BMP6: variants seen among roughly 807,000 people sequenced by gnomAD.
BMP6 encodes the protein VG-1-R.
A neutral mutation model predicts 54.1 loss-of-function variants in BMP6; 17 were observed. The ratio of observed to expected loss-of-function variants is 0.31; its 90% CI spans 0.22 to 0.47. The LOEUF (loss-of-function observed/expected upper bound fraction) is 0.47. BMP6 is among the 20% of genes least tolerant of loss of function. The probability of loss-of-function intolerance (pLI) is 1.00; values close to 1 mark genes in which losing one functional copy is unlikely to be tolerated. For synonymous variants in BMP6, 328 were observed against 291.2 expected, an observed-to-expected ratio of 1.13 and a Z score of -1.28; for missense variants, 720 against 690.4, an observed-to-expected ratio of 1.04 and a Z score of -0.48.
chr6:7,762,991 A>G (rs270376), intron 1 of BMP6, among the ~76,000 whole-genome samples: 94,082 of 152,092 alleles, frequency 0.62, 30,066 homozygotes, highest in Non-Finnish European at 0.72. Context: ...CCCATAAAAC[A>G]TGGCCGTGCG....
At chr6:7,836,071 C>T (rs917942678) in intron 1 of BMP6, among the ~76,000 whole-genome samples, 3 of 152,178 alleles carry the variant, frequency 2.0e-5, no homozygotes, top group African/African-American at 7.2e-5. Flanking sequence ...AAACTCCTGA[C>T]CTCAGGTGAT....
intron 4 of BMP6, among the ~76,000 whole-genome samples, chr6:7,865,947 C>A (rs569469084): frequency 3.9e-5 from 6 of 152,316 alleles, no homozygotes; most frequent in African/African-American, 1.2e-4. Flanking sequence ...AAATAAGAGG[C>A]TATTTTTGGA....
At chr6:7,791,803 T>G (rs1485953647) in intron 1 of BMP6, among the ~76,000 whole-genome samples, 2 of 152,216 alleles carry the variant, frequency 1.3e-5, no homozygotes, top group Admixed American at 1.3e-4. Context: ...CTACCTGTTG[T>G]CTTATCCCCA....
chr6:7,783,532 A>T (rs995579322), intron 1 of BMP6, among the ~76,000 whole-genome samples: 11 of 152,278 alleles, frequency 7.2e-5, no homozygotes, highest in African/African-American at 2.7e-4. Context: ...ATAGGAGTTT[A>T]CAACTCAAAA....
chr6:7,760,009 T>A (rs1027922744), intron 1 of BMP6, among the ~76,000 whole-genome samples: 1 of 151,824 alleles, frequency 6.6e-6, no homozygotes, highest in Non-Finnish European at 1.5e-5. Context: ...CTGGCCTCTT[T>A]CTTAATTTTA....
intron 1 of BMP6, among the ~76,000 whole-genome samples, chr6:7,832,047 CAAA>C (rs1758801284): frequency 6.6e-6 from 1 of 152,132 alleles, no homozygotes; most frequent in Admixed American, 6.5e-5. Context: ...GGTAGACACG[CAAA>C]CAGCTGATCG....
chr6:7,859,015 G>A (rs188491350), intron 2 of BMP6, among the ~76,000 whole-genome samples: 3 of 152,082 alleles, frequency 2.0e-5, no homozygotes, highest in East Asian at 1.9e-4. Context: ...TAGCAGAGTC[G>A]GGATGGAAAC....
intron 1 of BMP6, among the ~76,000 whole-genome samples, chr6:7,746,656 T>C (rs1757350980): frequency 6.6e-6 from 1 of 152,166 alleles, no homozygotes; most frequent in Non-Finnish European, 1.5e-5. Flanking sequence ...ACGATTTAAA[T>C]AGACATTTAA....
chr6:7,777,622 T>C (rs551151423), intron 1 of BMP6, among the ~76,000 whole-genome samples: 3 of 150,390 alleles, frequency 2.0e-5, no homozygotes, highest in African/African-American at 7.4e-5. Context: ...AGGACTTAGG[T>C]GAATATTAAA....
chr6:7,809,813 T>C (rs1480219829), intron 1 of BMP6, among the ~76,000 whole-genome samples: 2 of 152,234 alleles, frequency 1.3e-5, no homozygotes, highest in Non-Finnish European at 2.9e-5. Flanking sequence ...ATGTACAAAG[T>C]AGCCTCATCG....
intron 1 of BMP6, among the ~76,000 whole-genome samples, chr6:7,750,377 A>G (rs1471607447): frequency 1.3e-5 from 2 of 152,204 alleles, no homozygotes; most frequent in Admixed American, 6.5e-5. Flanking sequence ...GGGAGTATCA[A>G]TGAGGAAACG....
chr6:7,880,153 G>A (rs750769240), intron 6 of BMP6, 41 bp from the exon 7 acceptor site: 2 of 1,614,024 alleles, frequency 1.2e-6, no homozygotes, highest in South Asian at 1.1e-5. Flanking sequence ...AAGACCAGGT[G>A]TCATTTCTAA....
chr6:7,782,439 G>A (rs915247714), intron 1 of BMP6, among the ~76,000 whole-genome samples: 31 of 152,184 alleles, frequency 2.0e-4, no homozygotes, highest in Non-Finnish European at 7.3e-5. Context: ...GCCCAGGCAC[G>A]GTGGCACATG....
chr6:7,857,899 C>G (rs1759272586), intron 2 of BMP6, among the ~76,000 whole-genome samples: 1 of 152,090 alleles, frequency 6.6e-6, no homozygotes, highest in African/African-American at 2.4e-5. Flanking sequence ...GTGGTGTGAA[C>G]ATATTAGTGA....
At chr6:7,823,998 T>C (rs939616278) in intron 1 of BMP6, among the ~76,000 whole-genome samples, 4 of 152,112 alleles carry the variant, frequency 2.6e-5, no homozygotes, top group African/African-American at 9.7e-5. Context: ...GTGTAGAGAA[T>C]AGGCTGGAGG....
intron 1 of BMP6, among the ~76,000 whole-genome samples, chr6:7,788,107 A>G (rs937581747): frequency 1.3e-5 from 2 of 152,226 alleles, no homozygotes; most frequent in African/African-American, 4.8e-5. Flanking sequence ...TCAGACCCTC[A>G]GGTATGGGTA....
Position 7,785,176 on chromosome 6 carries a change from C to G in BMP6, c.664+57557C>G, listed in dbSNP as rs191447759. On this transcript the variant is annotated intron_variant, in intron 1 of 6. Coordinates refer to ENST00000283147, the MANE Select transcript of BMP6 (RefSeq NM_001718.6). The stretch of plus-strand genomic sequence containing the variant: ...GCTTTTAGCATTTTATAAAAAGTGA[C>G]TAGTACTTGTCTTCTACCCACTAGT... Among the ~76,000 whole-genome samples the G allele has an allele frequency of 2.2e-4, 34 of 152,318 alleles. No individual in the cohort carries two copies. In the East Asian group the frequency reaches 6.2e-3, roughly 28 times the overall value.
chr6:7,749,017 T>G (rs1757385727), intron 1 of BMP6, among the ~76,000 whole-genome samples: 1 of 152,196 alleles, frequency 6.6e-6, no homozygotes, highest in African/African-American at 2.4e-5. Context: ...CATTTTGATC[T>G]TCCACATTGA....
intron 1 of BMP6, among the ~76,000 whole-genome samples, chr6:7,800,340 TAA>T (rs1244023261): frequency 6.6e-6 from 1 of 152,148 alleles, no homozygotes; most frequent in African/African-American, 2.4e-5. Flanking sequence ...ATACAGACTT[TAA>T]AAAAGAGTCA....
Sources: gnomAD v4.1 joint callset for allele counts (sites outside exome capture counted in the v4.1 genomes callset) on GRCh38, gnomAD v4.1.1 for gene constraint, MANE v1.5 for transcripts, NCBI Gene and HGNC (gene_info 2026-07-23, HGNC 2026-07-21) for gene names.